Variants in IGSF11 observed in about 807,000 individuals in gnomAD.
The protein encoded by IGSF11 is CXADR like 1.
Under a neutral mutation model 41.0 loss-of-function variants are expected in IGSF11, and 22 were observed. The observed-to-expected ratio is 0.54, with a 90% confidence interval of 0.38 to 0.77. The LOEUF (loss-of-function observed/expected upper bound fraction) is 0.77, where lower values mean the gene tolerates loss of function less well. Among genes scored for constraint, IGSF11 ranks in the 30% least tolerant of loss-of-function variants. The pLI is 0.00. For synonymous variants in IGSF11, 219 were observed against 201.3 expected (o/e 1.09, Z -0.74); for missense variants, 444 against 530.8 (o/e 0.84, Z 1.61).
chr3:118,943,534 G>T (rs1559936375), intron 1 of IGSF11, among the ~76,000 whole-genome samples: 1 of 152,248 alleles, frequency 6.6e-6, no homozygotes, highest in Non-Finnish European at 1.5e-5. Flanking sequence ...TAACCCTCTA[G>T]CCAAATCTGA....
At chr3:119,141,047 A>AG (rs1437699844) in intron 1 of IGSF11, among the ~76,000 whole-genome samples, 3 of 150,986 alleles carry the variant, frequency 2.0e-5, no homozygotes, top group Non-Finnish European at 4.4e-5. Context: ...CTCATTAAAA[A>AG]AAAAAAAAAA....
At chr3:119,017,650 G>A (rs2107706613) in intron 1 of IGSF11, among the ~76,000 whole-genome samples, 1 of 152,102 alleles carries the variant, frequency 6.6e-6, no homozygotes, top group South Asian at 2.1e-4. Context: ...ATGCCAGGTT[G>A]TGGTAAAAAT....
At chr3:119,085,019 T>A (rs969096010) in intron 1 of IGSF11, among the ~76,000 whole-genome samples, 6 of 152,146 alleles carry the variant, frequency 3.9e-5, no homozygotes, top group Non-Finnish European at 5.9e-5. Context: ...GGGTGTGGCC[T>A]ATCTCCCTAC....
intron 1 of IGSF11, among the ~76,000 whole-genome samples, chr3:119,056,809 T>C (rs902406097): frequency 6.6e-6 from 1 of 152,250 alleles, no homozygotes; most frequent in Non-Finnish European, 1.5e-5. Context: ...GATGCAAGGC[T>C]GGTTCAACAT....
At position 119,016,705 on chromosome 3, in the gene IGSF11, A is replaced by T. The variant is rs574775207; in HGVS notation, c.52+17826T>A. Among the ~76,000 whole-genome samples the T allele has an allele frequency of 1.8e-3, 281 of 152,290 alleles. 1 individual carries two copies. Among genetic ancestry groups the T allele is most frequent in the Non-Finnish European group, 3.1e-3 (212 of 68,024 alleles). ...CCAAATTTAACCCACGTTACTTCCT[A>T]ACAGGAACTAGCAACGCTCCTTTCC... On this transcript the variant is annotated intron_variant, in intron 1 of 6. Coordinates refer to ENST00000393775, the MANE Select transcript of IGSF11 (RefSeq NM_001015887.3).
intron 1 of IGSF11, among the ~76,000 whole-genome samples, chr3:118,984,705 G>A (rs1308855496): frequency 6.6e-6 from 1 of 152,012 alleles, no homozygotes; most frequent in African/African-American, 2.4e-5. Context: ...TGTATAGAAA[G>A]TAAAGGAATA....
chr3:119,045,242 T>C lies in IGSF11; in HGVS notation c.49+59902A>G, dbSNP rs1385620775. On this transcript the variant is annotated intron_variant, in intron 1 of 6. Coordinates refer to the IGSF11 transcript ENST00000354673. ...TTTCCATCTGAGGTACCGGGTTCAC[T>C]TCACTAGGGAGCGCCAGACAGTGGG... 5.3e-5 allele frequency among the ~76,000 whole-genome samples: 8 copies of C among 152,326 alleles called. No homozygotes were observed. The East Asian group carries it at 1.5e-3, about 29-fold the overall frequency.
At chr3:119,061,868 A>G (rs1942062977) in intron 1 of IGSF11, among the ~76,000 whole-genome samples, 2 of 151,718 alleles carry the variant, frequency 1.3e-5, no homozygotes, top group African/African-American at 4.8e-5. Context: ...GGGCATGTCT[A>G]TAGTGTATAT....
intron 1 of IGSF11, among the ~76,000 whole-genome samples, chr3:119,088,576 GAAGAA>G (rs2076715031): frequency 6.6e-6 from 1 of 152,048 alleles, no homozygotes; most frequent in South Asian, 2.1e-4. Flanking sequence ...AAAGCTAGTA[GAAGAA>G]AAGAAGAAAA....
At chr3:119,019,573 T>C (rs544459069) in intron 1 of IGSF11, among the ~76,000 whole-genome samples, 3 of 151,982 alleles carry the variant, frequency 2.0e-5, no homozygotes, top group Non-Finnish European at 4.4e-5. Flanking sequence ...AGTATCTTCC[T>C]GCATGAAGGA....
intron 1 of IGSF11, among the ~76,000 whole-genome samples, chr3:119,010,361 C>T (rs552492752): frequency 4.0e-4 from 61 of 152,200 alleles, no homozygotes; most frequent in Admixed American, 6.5e-4. Flanking sequence ...AAGATGAGAG[C>T]GACGGTTAAT....
At chr3:118,980,833 A>G (rs1934640668) in intron 1 of IGSF11, among the ~76,000 whole-genome samples, 1 of 152,196 alleles carries the variant, frequency 6.6e-6, no homozygotes, top group Non-Finnish European at 1.5e-5. Context: ...ATTTTTAAAT[A>G]TTTGATTTGT....
upstream of IGSF11, among the ~76,000 whole-genome samples, chr3:119,109,704 C>T (rs1326585072): frequency 6.6e-6 from 1 of 152,012 alleles, no homozygotes; most frequent in Non-Finnish European, 1.5e-5. Flanking sequence ...TTGGATCTTT[C>T]CTGCTTTCTC....
chr3:119,024,734 T>C (rs989763727), intron 1 of IGSF11, among the ~76,000 whole-genome samples: 1 of 152,164 alleles, frequency 6.6e-6, no homozygotes, highest in Non-Finnish European at 1.5e-5. Flanking sequence ...AAAATGTCTA[T>C]ATTTATCACA....
chr3:119,117,532 G>A lies in IGSF11; in HGVS notation c.-13-12327C>T, dbSNP rs116843979. Reference sequence around the variant, plus strand: ...CCATGATTCAATTATCTCCTACCAGGTCCCTCCCACGACACATGGAAATTC... The same window carrying A: ...CCATGATTCAATTATCTCCTACCAGATCCCTCCCACGACACATGGAAATTC... On this transcript the variant is annotated intron_variant, in intron 1 of 7. Transcript: ENST00000425327. Among the ~76,000 whole-genome samples, 22 of 152,204 alleles carry A rather than the reference G, an allele frequency of 1.4e-4. No individual in the cohort carries two copies. The East Asian group carries it at 3.7e-3, about 25-fold the overall frequency.
chr3:118,994,644 A>G (rs1208949507), intron 1 of IGSF11, among the ~76,000 whole-genome samples: 1 of 152,214 alleles, frequency 6.6e-6, no homozygotes, highest in East Asian at 1.9e-4. Context: ...GACCTTGTCA[A>G]GAGAGAAGAG....
At chr3:119,110,166 A>G (rs1016297070), upstream of IGSF11, among the ~76,000 whole-genome samples, 2 of 152,134 alleles carry the variant, frequency 1.3e-5, no homozygotes, top group Non-Finnish European at 2.9e-5. Flanking sequence ...TGTCTTGTAG[A>G]TCTGACTAAT....
intron 1 of IGSF11, among the ~76,000 whole-genome samples, chr3:119,141,569 G>A (rs2077648508): frequency 6.7e-6 from 1 of 148,212 alleles, no homozygotes; most frequent in Non-Finnish European, 1.5e-5. Flanking sequence ...ACTAAAATAA[G>A]TAATGAAAAA....
In IGSF11 at chr3:119,097,957, A is replaced by ATTTTTTTT. The variant is rs377746200; in HGVS notation, c.49+7179_49+7186dup. On this transcript the variant is annotated intron_variant, in intron 1 of 6. Transcript: ENST00000354673. Reference sequence around the variant, plus strand: ...AGGCACATGCCACCACATTCAGCTAATTTTTTTTTTTTTTTTTTTTTTTTT... The same window carrying ATTTTTTTT: ...AGGCACATGCCACCACATTCAGCTAATTTTTTTTTTTTTTTTTTTTTTTTTTTTTTTTT... 1.9e-4 allele frequency among the ~76,000 whole-genome samples: 11 copies of ATTTTTTTT among 58,358 alleles called. 1 individual carries two copies. Among genetic ancestry groups the ATTTTTTTT allele is most frequent in the Non-Finnish European group, 1.7e-4 (5 of 29,266 alleles). 38.3% of individuals were successfully genotyped at this position (58,358 alleles called of 152,430 possible).
Sources: gnomAD v4.1 joint callset for allele counts (sites outside exome capture counted in the v4.1 genomes callset) on GRCh38, gnomAD v4.1.1 for gene constraint, MANE v1.5 for transcripts, NCBI Gene and HGNC (gene_info 2026-07-23, HGNC 2026-07-21) for gene names.